Variants in BACH2 observed in about 807,000 individuals in gnomAD.
BACH2 encodes transcription regulator protein BACH2.
BACH2 carries 5 observed loss-of-function variants against 61.8 expected under a neutral mutation model. The observed-to-expected ratio is 0.08, with a 90% CI of 0.04 to 0.17. The LOEUF is 0.17. Among genes scored for constraint, BACH2 ranks in the 10% least tolerant of loss-of-function variants. BACH2 has a pLI of 1.00. For synonymous variants in BACH2, 446 were observed against 440.1 expected, an observed-to-expected ratio of 1.01 and a Z score of -0.17; for missense variants, 824 against 1,091.1, an observed-to-expected ratio of 0.76 and a Z score of 3.45.
At chr6:89,985,219 G>A (rs1426114189) in intron 6 of BACH2, among the ~76,000 whole-genome samples, 1 of 152,208 alleles carries the variant, frequency 6.6e-6, no homozygotes, top group Non-Finnish European at 1.5e-5. Context: ...ACGGATTAAT[G>A]TTTAGGAGAG....
At chr6:90,228,844 T>G (rs962808026) in intron 3 of BACH2, among the ~76,000 whole-genome samples, 1 of 152,210 alleles carries the variant, frequency 6.6e-6, no homozygotes, top group Admixed American at 6.5e-5. Context: ...CTTACAGACA[T>G]GTCGCCAATA....
intron 4 of BACH2, among the ~76,000 whole-genome samples, chr6:90,120,342 A>G (rs1027218653): frequency 6.6e-6 from 1 of 152,230 alleles, no homozygotes; most frequent in Non-Finnish European, 1.5e-5. Flanking sequence ...AGCAGGTACC[A>G]AACTCTGTGG....
chr6:90,259,738 A>G (rs952011411), intron 2 of BACH2, among the ~76,000 whole-genome samples: 14 of 152,042 alleles, frequency 9.2e-5, no homozygotes, highest in South Asian at 2.1e-4. Context: ...TACTTCTCCA[A>G]TCTATTTGTG....
intron 3 of BACH2, among the ~76,000 whole-genome samples, chr6:90,237,796 G>C (rs1475545196): frequency 6.6e-6 from 1 of 152,158 alleles, no homozygotes; most frequent in African/African-American, 2.4e-5. Flanking sequence ...AGGCCACAAG[G>C]GGATGTTGAT....
chr6:90,065,678 C>T (rs965736836), intron 5 of BACH2, among the ~76,000 whole-genome samples: 1 of 152,154 alleles, frequency 6.6e-6, no homozygotes, highest in African/African-American at 2.4e-5. Flanking sequence ...CCAGCCAACT[C>T]ACAGAATCGT....
chr6:89,969,191 T>C (rs1205208895), intron 6 of BACH2, among the ~76,000 whole-genome samples: 3 of 151,458 alleles, frequency 2.0e-5, no homozygotes, highest in South Asian at 2.1e-4. Context: ...GTAGCTGGGA[T>C]TACAGGAATG....
At chr6:89,978,157 T>C (rs1443065887) in intron 6 of BACH2, among the ~76,000 whole-genome samples, 2 of 152,216 alleles carry the variant, frequency 1.3e-5, no homozygotes, top group Non-Finnish European at 2.9e-5. Flanking sequence ...GCTGCAACCA[T>C]TAATAGCACT....
intron 4 of BACH2, among the ~76,000 whole-genome samples, chr6:90,151,069 G>A (rs534486528): frequency 6.6e-6 from 1 of 152,232 alleles, no homozygotes; most frequent in South Asian, 2.1e-4. Context: ...GTCACTCTAT[G>A]GCAACAGATG....
chr6:90,160,309 C>T (rs370103245), intron 4 of BACH2, among the ~76,000 whole-genome samples: 60 of 152,078 alleles, frequency 3.9e-4, no homozygotes, highest in Admixed American at 2.0e-4. Context: ...GTAAGCAAGG[C>T]GGGGATGAGG....
rs576481782 is a variant in BACH2, at chr6:89,983,405, A to G, written c.243+25197T>C. Reference sequence around the variant, plus strand: ...GTAAAATAGCCAGGCGTGGTGGCTCATGCCTGTAATTACAGCACTCTGGGA... The same window carrying G: ...GTAAAATAGCCAGGCGTGGTGGCTCGTGCCTGTAATTACAGCACTCTGGGA... On this transcript the variant is annotated intron_variant, in intron 6 of 8. Transcript: ENST00000257749. 7.2e-5 allele frequency among the ~76,000 whole-genome samples: 11 copies of G among 152,344 alleles called. No homozygotes were observed. The South Asian group carries it at 1.4e-3, about 20-fold the overall frequency.
At chr6:90,185,221 GCT>G (rs1175014921) in intron 4 of BACH2, among the ~76,000 whole-genome samples, 1 of 152,186 alleles carries the variant, frequency 6.6e-6, no homozygotes, top group Non-Finnish European at 1.5e-5. Flanking sequence ...GTGAACAATA[GCT>G]CTGTCTCGGA....
Position 90,008,615 on chromosome 6 carries a change from C to G in BACH2, c.230G>C (p.Ser77Thr), listed in dbSNP as rs1302804378. 2.5e-5 allele frequency: 40 copies of G among 1,614,058 alleles called. No homozygotes were observed. The highest frequency in any genetic ancestry group is 3.1e-5 in the Non-Finnish European group (37 of 1,180,040). The change falls in exon 6 of 9, where the codon AGC becomes ACC. Residue 77 changes from serine to threonine, a missense_variant. This residue lies in a region of BACH2 where 66 missense variants were observed against 144.8 expected (regional missense o/e 0.46). Transcript: ENST00000257749. This position sits in a 1 kb window ranked among gnomAD's most constrained non-coding sequence, Gnocchi z 4.1. ...VGQTKNDLVV[S>T]LPEEVTARGF... ...AAATTACTGTACCTCCTCAGGCAAG[C>G]TGACCACCAAATCATTTTTTGTCTG...
chr6:90,056,136 G>A (rs890930191), intron 5 of BACH2, among the ~76,000 whole-genome samples: 1 of 152,168 alleles, frequency 6.6e-6, no homozygotes, highest in Non-Finnish European at 1.5e-5. Context: ...AACTTTAAAT[G>A]TAAATGGGCT....
At chr6:90,152,177 G>T (rs1006486525) in intron 4 of BACH2, among the ~76,000 whole-genome samples, 3 of 152,212 alleles carry the variant, frequency 2.0e-5, no homozygotes, top group Non-Finnish European at 4.4e-5. Context: ...GGAGGCAGAA[G>T]GTAACCCTGT....
At chr6:90,126,454 A>C (rs1238998701) in intron 4 of BACH2, among the ~76,000 whole-genome samples, 1 of 152,188 alleles carries the variant, frequency 6.6e-6, no homozygotes, top group Non-Finnish European at 1.5e-5. Flanking sequence ...AGAGTTGTAG[A>C]CTTCAATATT....
chr6:90,138,862 A>C (rs944924981), intron 4 of BACH2, among the ~76,000 whole-genome samples: 13 of 152,340 alleles, frequency 8.5e-5, no homozygotes, highest in Middle Eastern at 3.4e-3. Context: ...TAATGTCTGT[A>C]TGTATGTATT....
At chr6:90,113,572 G>A (rs1027036120) in intron 4 of BACH2, among the ~76,000 whole-genome samples, 5 of 151,960 alleles carry the variant, frequency 3.3e-5, no homozygotes, top group Non-Finnish European at 7.4e-5. Flanking sequence ...AGAATCTCTG[G>A]GACACAGCTA....
chr6:90,006,856 G>A (rs1777432363), intron 6 of BACH2, among the ~76,000 whole-genome samples: 1 of 152,008 alleles, frequency 6.6e-6, no homozygotes, highest in Non-Finnish European at 1.5e-5. Flanking sequence ...GAACTCAAGT[G>A]GTCTTCCCGC....
chr6:89,943,993 C>T (rs1262290582), intron 7 of BACH2, among the ~76,000 whole-genome samples: 1 of 152,216 alleles, frequency 6.6e-6, no homozygotes, highest in Non-Finnish European at 1.5e-5. Context: ...CCAGGACAGC[C>T]AGCTCAGTGC....
Sources: gnomAD v4.1 joint callset for allele counts (sites outside exome capture counted in the v4.1 genomes callset) on GRCh38, gnomAD v4.1.1 for gene constraint, gnomAD v4.1.1 regional missense constraint, Gnocchi (gnomAD v3.1) non-coding constraint, MANE v1.5 for transcripts, NCBI Gene and HGNC (gene_info 2026-07-23, HGNC 2026-07-21) for gene names.